COL22A1: variants seen among roughly 807,000 people sequenced by gnomAD.
COL22A1 encodes the protein collagen type XXII alpha 1 chain.
In COL22A1, 221 loss-of-function variants were observed where a neutral mutation model predicts 248.9. That is an observed-to-expected ratio of 0.89 (90% confidence interval 0.80 to 0.99). The LOEUF is 0.99. COL22A1 is among the 50% of genes least tolerant of loss of function. The probability of loss-of-function intolerance (pLI) is 0.00; values close to 1 mark genes in which losing one functional copy is unlikely to be tolerated. For missense variants in COL22A1, 2,240 were observed against 2,179.0 expected (o/e 1.03, Z -0.56); for synonymous variants, 891 against 793.4 (o/e 1.12, Z -2.07).
At chr8:138,713,144 T>C (rs753491099) in intron 30 of COL22A1, among the ~76,000 whole-genome samples, 8 of 152,140 alleles carry the variant, frequency 5.3e-5, no homozygotes, top group Non-Finnish European at 1.0e-4. Flanking sequence ...TTTAGAGACC[T>C]GCTTGGCAAA....
intron 2 of COL22A1, among the ~76,000 whole-genome samples, chr8:138,878,739 G>T (rs1420854605): frequency 6.6e-6 from 1 of 152,184 alleles, no homozygotes; most frequent in Non-Finnish European, 1.5e-5. Flanking sequence ...TGGGCGCGGT[G>T]GTTCACGCCT....
chr8:138,828,716 C>T (rs1442902056), intron 5 of COL22A1, among the ~76,000 whole-genome samples: 1 of 151,696 alleles, frequency 6.6e-6, no homozygotes, highest in Non-Finnish European at 1.5e-5. Context: ...TGCCACTGCA[C>T]TCCAGCCTAG....
At chr8:138,624,796 C>T (rs1352202893) in intron 51 of COL22A1, among the ~76,000 whole-genome samples, 6 of 152,176 alleles carry the variant, frequency 3.9e-5, no homozygotes, top group African/African-American at 1.4e-4. Context: ...CAGTGATGCC[C>T]AGGAAATGCC....
intron 56 of COL22A1, among the ~76,000 whole-genome samples, chr8:138,610,674 A>C (rs1175699577): frequency 6.6e-6 from 1 of 152,130 alleles, no homozygotes; most frequent in Non-Finnish European, 1.5e-5. Context: ...GCCATGCCCC[A>C]CCCCGCATGT....
intron 18 of COL22A1, among the ~76,000 whole-genome samples, chr8:138,756,870 GC>G (rs1473551434): frequency 1.3e-5 from 2 of 152,014 alleles, no homozygotes; most frequent in African/African-American, 4.8e-5. Flanking sequence ...ACTTTTCACA[GC>G]ATCAAGTGTT....
Position 138,693,628 on chromosome 8 carries a change from C to A in COL22A1, c.2754+18G>T, listed in dbSNP as rs766691870. 18 of 1,573,264 alleles carry A rather than the reference C, an allele frequency of 1.1e-5. No individual in the cohort carries two copies. Among genetic ancestry groups the A allele is most frequent in the Non-Finnish European group, 1.6e-5 (18 of 1,159,298 alleles). ...CTCCGGGGCTCCCCCACGAGGCAGG[C>A]CGATCATAGGGACTCACGGGGTTTC... On this transcript the variant is annotated intron_variant, in intron 35 of 64. Transcript: ENST00000303045.
At chr8:138,862,599 TAGTC>T (rs1415851514) in intron 3 of COL22A1, among the ~76,000 whole-genome samples, 1 of 152,168 alleles carries the variant, frequency 6.6e-6, no homozygotes, top group East Asian at 1.9e-4. Flanking sequence ...CCAGCTATAA[TAGTC>T]AGCTATAATT....
At chr8:138,745,872 A>G (rs897723268) in intron 22 of COL22A1, among the ~76,000 whole-genome samples, 2 of 152,180 alleles carry the variant, frequency 1.3e-5, no homozygotes, top group East Asian at 1.9e-4. Context: ...CAACTAGATG[A>G]CAGTGCTCCC....
chr8:138,742,467 T>A (rs1831684263), intron 22 of COL22A1, among the ~76,000 whole-genome samples: 2 of 152,026 alleles, frequency 1.3e-5, no homozygotes, highest in Non-Finnish European at 2.9e-5. Flanking sequence ...GTGATTGTGA[T>A]GGTGATGGTG....
chr8:138,855,666 C>T (rs1204116803), intron 3 of COL22A1, among the ~76,000 whole-genome samples: 1 of 152,204 alleles, frequency 6.6e-6, no homozygotes, highest in Non-Finnish European at 1.5e-5. Context: ...CTGAGGAGGC[C>T]ATGCCCTTGA....
intron 24 of COL22A1, 83 bp downstream of exon 24, chr8:138,725,304 C>T (rs544911883): frequency 1.5e-6 from 2 of 1,348,242 alleles, no homozygotes; most frequent in South Asian, 2.3e-5. Flanking sequence ...AGACAAGAGG[C>T]CATTCACAAA....
chr8:138,769,787 A>G (rs1222896652), intron 16 of COL22A1, among the ~76,000 whole-genome samples: 1 of 152,190 alleles, frequency 6.6e-6, no homozygotes, highest in Non-Finnish European at 1.5e-5. Context: ...CTCAAAAGCA[A>G]CACAAATTGG....
chr8:138,847,797 A>AT (rs1019558152), intron 3 of COL22A1, among the ~76,000 whole-genome samples: 9 of 143,972 alleles, frequency 6.3e-5, no homozygotes, highest in African/African-American at 2.5e-4. Context: ...GAGGCATAAG[A>AT]TTAAAAAAAA....
intron 22 of COL22A1, among the ~76,000 whole-genome samples, chr8:138,749,973 C>T (rs1257716460): frequency 4.6e-5 from 7 of 152,072 alleles, no homozygotes; most frequent in Admixed American, 3.9e-4. Flanking sequence ...GGGAGGAACC[C>T]GGTGGGAGGT....
intron 47 of COL22A1, among the ~76,000 whole-genome samples, chr8:138,641,285 T>C (rs1163711198): frequency 6.6e-6 from 1 of 152,202 alleles, no homozygotes; most frequent in African/African-American, 2.4e-5. Flanking sequence ...GAGTCATCCA[T>C]ACCCTCCAAA....
intron 25 of COL22A1, 73 bp downstream of exon 25, chr8:138,724,542 A>C (rs1830149641): frequency 1.4e-6 from 2 of 1,459,738 alleles, no homozygotes; most frequent in Non-Finnish European, 9.5e-7. Flanking sequence ...GGCCAGCTGC[A>C]AGGGCTCAGT....
intron 16 of COL22A1, among the ~76,000 whole-genome samples, chr8:138,771,376 C>A (rs1376010470): frequency 6.6e-6 from 1 of 152,226 alleles, no homozygotes; most frequent in Admixed American, 6.5e-5. Context: ...GTTTCTGGAT[C>A]CTGCTGGCTT....
In COL22A1 at chr8:138,598,779, C is replaced by G; in HGVS notation, c.4305G>C (p.Gly1435=). 1 of 1,614,136 alleles carries G rather than the reference C, an allele frequency of 6.2e-7. No individual in the cohort carries two copies. ...TGLMGPQGLP[G]ENGPVGPPGP... ...CTGGGGGTCCAACTGGTCCATTCTC[C>G]CCAGGTAGTCCTTGGGGACCCATCA... The change falls in exon 61 of 65, where the codon GGG becomes GGC. Residue 1435 remains glycine, a synonymous_variant. Transcript: ENST00000303045.
At chr8:138,699,664 C>A (rs1009424841) in intron 32 of COL22A1, among the ~76,000 whole-genome samples, 3 of 152,158 alleles carry the variant, frequency 2.0e-5, no homozygotes, top group African/African-American at 7.2e-5. Context: ...ATCTCAGGTT[C>A]CAGTCCCCAG....
Sources: allele counts gnomAD v4.1 joint callset (sites outside exome capture counted in the v4.1 genomes callset), GRCh38; gene constraint gnomAD v4.1.1; transcripts MANE v1.5; gene names NCBI Gene and HGNC (gene_info 2026-07-23, HGNC 2026-07-21).